SYT9: variants seen among roughly 807,000 people sequenced by gnomAD.
SYT9 encodes the protein synaptotagmin 9.
In SYT9, 22 loss-of-function variants were observed where a neutral mutation model predicts 48.4. The observed-to-expected ratio is 0.45, with a 90% CI of 0.32 to 0.65. The LOEUF (loss-of-function observed/expected upper bound fraction) is 0.65. Among genes scored for constraint, SYT9 ranks in the 30% least tolerant of loss-of-function variants. The probability of loss-of-function intolerance (pLI) is 0.03; values close to 1 mark genes in which losing one functional copy is unlikely to be tolerated. For synonymous variants in SYT9, 265 were observed against 245.0 expected, an observed-to-expected ratio of 1.08 and a Z score of -0.76; for missense variants, 577 against 622.0, an observed-to-expected ratio of 0.93 and a Z score of 0.77.
At chr11:7,380,576 C>A (rs1378404899) in intron 3 of SYT9, among the ~76,000 whole-genome samples, 1 of 150,980 alleles carries the variant, frequency 6.6e-6, no homozygotes, top group Non-Finnish European at 1.5e-5. Context: ...ACCTACTTTG[C>A]ACCCACCAAA....
intron 3 of SYT9, among the ~76,000 whole-genome samples, chr11:7,362,087 T>C (rs995468036): frequency 6.6e-6 from 1 of 151,878 alleles, no homozygotes; most frequent in African/African-American, 2.4e-5. Flanking sequence ...TCCAGTAGTT[T>C]TCTTTTCTTC....
chr11:7,388,554 T>C (rs569825109), intron 3 of SYT9, among the ~76,000 whole-genome samples: 1 of 152,276 alleles, frequency 6.6e-6, no homozygotes, highest in Middle Eastern at 3.4e-3. Context: ...TCTAGTTCTT[T>C]AGATAAATGA....
At chr11:7,371,274 T>C (rs1276151910) in intron 3 of SYT9, among the ~76,000 whole-genome samples, 3 of 148,352 alleles carry the variant, frequency 2.0e-5, no homozygotes, top group African/African-American at 4.9e-5. Context: ...AATTTACTTA[T>C]ATATAATTTT....
At chr11:7,433,861 T>A (rs1463819003) in intron 6 of SYT9, among the ~76,000 whole-genome samples, 2 of 152,322 alleles carry the variant, frequency 1.3e-5, no homozygotes, top group African/African-American at 4.8e-5. Flanking sequence ...GATATTTTGT[T>A]ATAGTAGCCC....
intron 3 of SYT9, among the ~76,000 whole-genome samples, chr11:7,334,564 A>T (rs1376883436): frequency 2.0e-5 from 3 of 150,808 alleles, no homozygotes; most frequent in African/African-American, 7.3e-5. Flanking sequence ...ACCATAGTCA[A>T]TCAAAATAAT....
chr11:7,299,625 T>G (rs1489449111), intron 1 of SYT9, among the ~76,000 whole-genome samples: 2 of 152,328 alleles, frequency 1.3e-5, no homozygotes, highest in African/African-American at 4.8e-5. Flanking sequence ...TAATTCAAGG[T>G]AGACGTAGCA....
intron 1 of SYT9, among the ~76,000 whole-genome samples, chr11:7,256,545 T>C (rs1440921115): frequency 6.6e-6 from 1 of 152,192 alleles, no homozygotes; most frequent in Non-Finnish European, 1.5e-5. Context: ...TCTTAGGTAG[T>C]CACATCACAT....
intron 1 of SYT9, among the ~76,000 whole-genome samples, chr11:7,265,163 A>G (rs923635907): frequency 2.0e-5 from 3 of 152,126 alleles, no homozygotes; most frequent in Admixed American, 6.6e-5. Flanking sequence ...GCCTGGAAAG[A>G]TGTGCTTATA....
At chr11:7,293,301 G>A (rs1246266238) in intron 1 of SYT9, among the ~76,000 whole-genome samples, 1 of 152,114 alleles carries the variant, frequency 6.6e-6, no homozygotes, top group Admixed American at 6.6e-5. Flanking sequence ...AATGCCATTT[G>A]CCAATTTCCA....
chr11:7,314,596 A>G (rs957327513), intron 3 of SYT9, among the ~76,000 whole-genome samples: 7 of 152,214 alleles, frequency 4.6e-5, no homozygotes, highest in African/African-American at 9.6e-5. Context: ...CCATACGTCT[A>G]TGTCTACATT....
At chr11:7,267,748 A>G (rs1019666260) in intron 1 of SYT9, among the ~76,000 whole-genome samples, 4 of 151,970 alleles carry the variant, frequency 2.6e-5, no homozygotes, top group Non-Finnish European at 5.9e-5. Context: ...AGAAGAAATT[A>G]CTGAATTAGA....
chr11:7,339,679 G>T (rs1423474501), intron 3 of SYT9, among the ~76,000 whole-genome samples: 2 of 151,996 alleles, frequency 1.3e-5, no homozygotes, highest in African/African-American at 4.8e-5. Flanking sequence ...TTGAATATAG[G>T]CCCCCTAATC....
At chr11:7,444,191 G>T (rs1847887995) in intron 6 of SYT9, 1 of 152,258 alleles carries the variant, frequency 6.6e-6, no homozygotes. Flanking sequence ...CTTCCTAGGG[G>T]AGGAAGAAGG....
intron 3 of SYT9, among the ~76,000 whole-genome samples, chr11:7,386,358 T>G (rs577000354): frequency 3.6e-4 from 55 of 151,790 alleles, no homozygotes; most frequent in Admixed American, 5.9e-4. Context: ...GAGTGAACAG[T>G]CAACCTACAG....
rs1436689096 is a variant in SYT9, at chr11:7,351,009, T to A, written c.1044+37068T>A. ...CAGGGTAACAAAACCAGTGATTTTTTAAATGATGTCATGATTTTGTCTTAA... is the reference window on the plus strand; with the variant it reads ...CAGGGTAACAAAACCAGTGATTTTTAAAATGATGTCATGATTTTGTCTTAA... On this transcript the variant is annotated intron_variant, in intron 3 of 6. Transcript: ENST00000318881. 3.9e-5 allele frequency among the ~76,000 whole-genome samples: 6 copies of A among 152,326 alleles called. No individual in the cohort carries two copies. The East Asian group carries it at 5.8e-4, about 15-fold the overall frequency.
chr11:7,296,884 C>G (rs1848818576), intron 1 of SYT9, among the ~76,000 whole-genome samples: 1 of 152,174 alleles, frequency 6.6e-6, no homozygotes. Flanking sequence ...CTGGTCCCAC[C>G]TGTTTCCACT....
At chr11:7,376,536 C>T (rs527532602) in intron 3 of SYT9, among the ~76,000 whole-genome samples, 1 of 152,138 alleles carries the variant, frequency 6.6e-6, no homozygotes, top group South Asian at 2.1e-4. Flanking sequence ...CATGGAATTT[C>T]CCAAGTCATC....
At chr11:7,333,584 C>T (rs544339736) in intron 3 of SYT9, among the ~76,000 whole-genome samples, 2 of 152,232 alleles carry the variant, frequency 1.3e-5, no homozygotes, top group South Asian at 4.2e-4. Context: ...GTTTTGAAGT[C>T]TTTAATATGT....
intron 3 of SYT9, among the ~76,000 whole-genome samples, chr11:7,338,412 C>G (rs1367506137): frequency 1.3e-5 from 2 of 152,060 alleles, no homozygotes; most frequent in African/African-American, 4.8e-5. Context: ...TTCACTCTTG[C>G]TTCTATAGTT....
Sources: gnomAD v4.1 joint callset for allele counts (sites outside exome capture counted in the v4.1 genomes callset) on GRCh38, gnomAD v4.1.1 for gene constraint, MANE v1.5 for transcripts, NCBI Gene and HGNC (gene_info 2026-07-23, HGNC 2026-07-21) for gene names.